Variants in LRRC4C observed in about 807,000 individuals in gnomAD.
LRRC4C encodes the protein leucine rich repeat containing 4C, also known as leucine-rich repeat-containing protein 4C.
A neutral mutation model predicts 33.6 loss-of-function variants in LRRC4C; 5 were observed. The observed-to-expected ratio is 0.15, with a 90% CI of 0.08 to 0.31. LRRC4C has a LOEUF of 0.31. Among genes scored for constraint, LRRC4C ranks in the 10% least tolerant of loss-of-function variants. The pLI, the probability that LRRC4C is intolerant of heterozygous loss-of-function variation, is 1.00. For missense variants in LRRC4C, 560 were observed against 796.7 expected (o/e 0.70, Z 3.58); for synonymous variants, 329 against 302.0 (o/e 1.09, Z -0.93).
intron 3 of LRRC4C, among the ~76,000 whole-genome samples, chr11:40,396,831 T>G (rs1011831445): frequency 6.6e-6 from 1 of 152,112 alleles, no homozygotes; most frequent in African/African-American, 2.4e-5. Context: ...AAACCATTTA[T>G]GATTTGTTGA....
intron 2 of LRRC4C, among the ~76,000 whole-genome samples, chr11:40,882,370 T>A (rs149082501): frequency 6.3e-4 from 96 of 152,202 alleles, no homozygotes; most frequent in Non-Finnish European, 2.6e-4. Flanking sequence ...TTGACAAGTG[T>A]AAATTAGGGC....
At chr11:40,565,550 T>C (rs1016969094) in intron 3 of LRRC4C, among the ~76,000 whole-genome samples, 3 of 152,176 alleles carry the variant, frequency 2.0e-5, no homozygotes, top group African/African-American at 4.8e-5. Flanking sequence ...ATTCTCACAG[T>C]GTAATGTAGT....
At position 41,346,625 on chromosome 11, in the gene LRRC4C, A is replaced by T. The variant is rs572602413; in HGVS notation, c.-496+112806T>A. 1.1e-4 allele frequency among the ~76,000 whole-genome samples: 16 copies of T among 152,374 alleles called. No individual in the cohort carries two copies. In the East Asian group the frequency reaches 2.9e-3, roughly 28 times the overall value. The stretch of plus-strand genomic sequence containing the variant: ...GTATAAGATATCCTAGAAGAAAAAC[A>T]TAATTCTGTAGTCAAAAAGTCTGCA... On this transcript the variant is annotated intron_variant, in intron 1 of 6. Transcript: ENST00000528697.
intron 2 of LRRC4C, among the ~76,000 whole-genome samples, chr11:40,826,216 T>C (rs1389524228): frequency 6.6e-6 from 1 of 152,002 alleles, no homozygotes; most frequent in Non-Finnish European, 1.5e-5. Context: ...TTCCTGGAGA[T>C]ACAATTTTTC....
intron 2 of LRRC4C, among the ~76,000 whole-genome samples, chr11:40,659,835 AC>A: frequency 6.6e-6 from 1 of 152,226 alleles, no homozygotes; most frequent in Non-Finnish European, 1.5e-5. Flanking sequence ...ACTCCTCTCC[AC>A]CTTGCTCACC....
intron 3 of LRRC4C, among the ~76,000 whole-genome samples, chr11:40,404,982 A>T (rs922007370): frequency 6.6e-6 from 1 of 151,990 alleles, no homozygotes; most frequent in African/African-American, 2.4e-5. Context: ...ATTTAGCAAA[A>T]ATTCTAAATA....
chr11:41,318,422 A>G (rs1950858766), intron 1 of LRRC4C, among the ~76,000 whole-genome samples: 1 of 152,192 alleles, frequency 6.6e-6, no homozygotes, highest in South Asian at 2.1e-4. Flanking sequence ...TATTGGACTT[A>G]ATTAGCAGAG....
chr11:40,579,854 G>A (rs12804842), intron 3 of LRRC4C, among the ~76,000 whole-genome samples: 125 of 152,150 alleles, frequency 8.2e-4, no homozygotes, highest in Non-Finnish European at 1.5e-3. Flanking sequence ...GCAGTGGCGC[G>A]ATCTTCGCTC....
intron 4 of LRRC4C, among the ~76,000 whole-genome samples, chr11:40,291,048 G>C (rs540544421): frequency 6.6e-6 from 1 of 152,184 alleles, no homozygotes; most frequent in African/African-American, 2.4e-5. Context: ...AAGAGTTATA[G>C]CTTCTCTAGG....
rs557678612 is a variant in LRRC4C, at chr11:40,303,935, C to T, written c.-176+15693G>A. Among the ~76,000 whole-genome samples, 60 of 152,274 alleles carry T rather than the reference C, an allele frequency of 3.9e-4. 1 individual carries two copies. In the South Asian group the frequency reaches 0.012, roughly 31 times the overall value. On this transcript the variant is annotated intron_variant, in intron 4 of 6. Coordinates refer to ENST00000528697, the MANE Select transcript of LRRC4C (RefSeq NM_001258419.2). ...CCTTTCATAAACCAATTGTCTTAAACCATAATTGCAGGAAATGCTCCCAAA... is the reference window on the plus strand; with the variant it reads ...CCTTTCATAAACCAATTGTCTTAAATCATAATTGCAGGAAATGCTCCCAAA...
intron 2 of LRRC4C, among the ~76,000 whole-genome samples, chr11:40,747,116 T>C (rs1407078997): frequency 1.3e-5 from 2 of 152,096 alleles, no homozygotes; most frequent in Non-Finnish European, 1.5e-5. Flanking sequence ...GCAGGCATGC[T>C]CAGCCCATTG....
chr11:40,893,754 A>G (rs11036142), intron 2 of LRRC4C, among the ~76,000 whole-genome samples: 13,697 of 151,990 alleles, frequency 0.09, 865 homozygotes, highest in African/African-American at 0.17. Context: ...ATATGACTTC[A>G]GATTTGGAGA....
chr11:40,362,696 G>C (rs374836761), intron 3 of LRRC4C, among the ~76,000 whole-genome samples: 7 of 152,122 alleles, frequency 4.6e-5, no homozygotes, highest in African/African-American at 1.7e-4. Context: ...CTCCAGCCTG[G>C]GCAAGAGTGA....
At chr11:40,461,109 A>G (rs550443562) in intron 3 of LRRC4C, among the ~76,000 whole-genome samples, 8 of 152,196 alleles carry the variant, frequency 5.3e-5, no homozygotes, top group Admixed American at 1.3e-4. Flanking sequence ...AACAAAACAG[A>G]CAAAAAATCT....
chr11:40,214,391 T>C (rs771271531), intron 5 of LRRC4C, among the ~76,000 whole-genome samples: 33 of 152,142 alleles, frequency 2.2e-4, no homozygotes, highest in Non-Finnish European at 4.4e-4. Context: ...ATTACATATT[T>C]CTTTTTAAGA....
At chr11:41,214,356 C>T (rs1207709646) in intron 1 of LRRC4C, among the ~76,000 whole-genome samples, 1 of 151,896 alleles carries the variant, frequency 6.6e-6, no homozygotes, top group East Asian at 1.9e-4. Context: ...GTGTCAATGG[C>T]CACAAACACC....
intron 4 of LRRC4C, among the ~76,000 whole-genome samples, chr11:40,246,974 A>G (rs1465910294): frequency 6.6e-6 from 1 of 152,192 alleles, no homozygotes; most frequent in South Asian, 2.1e-4. Context: ...AGTGGGAGAT[A>G]AAGTGAGGCT....
At chr11:40,946,456 T>A (rs1011801720) in intron 1 of LRRC4C, among the ~76,000 whole-genome samples, 1 of 152,168 alleles carries the variant, frequency 6.6e-6, no homozygotes, top group African/African-American at 2.4e-5. Flanking sequence ...TACCCAGTAA[T>A]GGGATTGCTG....
At chr11:41,090,788 C>T (rs1451310535) in intron 1 of LRRC4C, among the ~76,000 whole-genome samples, 1 of 152,098 alleles carries the variant, frequency 6.6e-6, no homozygotes, top group Non-Finnish European at 1.5e-5. Context: ...GCAGTTATCC[C>T]TGCTCTTACT....
Sources: gnomAD v4.1 joint callset for allele counts (sites outside exome capture counted in the v4.1 genomes callset) on GRCh38, gnomAD v4.1.1 for gene constraint, MANE v1.5 for transcripts, NCBI Gene and HGNC (gene_info 2026-07-23, HGNC 2026-07-21) for gene names.